TTC7A: variants seen among roughly 807,000 people sequenced by gnomAD.
The protein encoded by TTC7A is tetratricopeptide repeat protein 7A.
TTC7A carries 110 observed loss-of-function variants against 103.7 expected under a neutral mutation model. The ratio of observed to expected loss-of-function variants is 1.06; its 90% CI spans 0.91 to 1.24. The LOEUF (loss-of-function observed/expected upper bound fraction) is 1.24. Ranked by LOEUF, TTC7A falls within the 50% of genes most tolerant of loss-of-function variation. The pLI is 0.00. For synonymous variants in TTC7A, 521 were observed against 467.9 expected (o/e 1.11, Z -1.47); for missense variants, 1,340 against 1,116.3 (o/e 1.20, Z -2.86).
At chr2:47,009,225 G>A (rs2104471950) in intron 10 of TTC7A, among the ~76,000 whole-genome samples, 1 of 152,218 alleles carries the variant, frequency 6.6e-6, no homozygotes, top group East Asian at 1.9e-4. Flanking sequence ...GCCCACTCTG[G>A]GCACCCTGTG....
rs145828167 is a variant in TTC7A at position 47,066,526 on chromosome 2, C to T, written c.2355+5555C>T. Among the ~76,000 whole-genome samples the T allele has an allele frequency of 1.6e-3, 250 of 152,194 alleles. 1 individual carries two copies. Among genetic ancestry groups the T allele is most frequent in the African/African-American group, 5.7e-3 (236 of 41,528 alleles). On this transcript the variant is annotated intron_variant, in intron 19 of 19. Transcript: ENST00000319190. ...ACTCTCTGGCCACACAGAGCTTCAC[C>T]CATCACCCCCTCCGCCTGCTGGCTG...
intron 13 of TTC7A, among the ~76,000 whole-genome samples, chr2:47,023,805 G>A (rs1679561372): frequency 6.6e-6 from 1 of 152,008 alleles, no homozygotes; most frequent in Non-Finnish European, 1.5e-5. Context: ...GTGTAACAGG[G>A]GCTCAAAAAT....
At chr2:47,037,131 C>G (rs749975747) in intron 15 of TTC7A, among the ~76,000 whole-genome samples, 10 of 152,234 alleles carry the variant, frequency 6.6e-5, no homozygotes, top group Non-Finnish European at 8.8e-5. Context: ...CTCAGGTCCA[C>G]TTTGTCCCCG....
At chr2:47,057,291 C>G (rs1003270341) in intron 18 of TTC7A, among the ~76,000 whole-genome samples, 3 of 152,182 alleles carry the variant, frequency 2.0e-5, no homozygotes, top group African/African-American at 4.8e-5. Flanking sequence ...TGCTTGGGCT[C>G]TGGTCTGTGT....
rs2104548111 is a variant in TTC7A, at chr2:47,021,883, G to C, written c.1414G>C (p.Ala472Pro). 1 of 1,614,168 alleles carries C rather than the reference G, an allele frequency of 6.2e-7. No individual in the cohort carries two copies. The highest frequency in any genetic ancestry group is 2.2e-5 in the East Asian group (1 of 44,882). ...GCAGCTAGAGGAAGCAGAGCACTTT[G>C]CCATGATGGTGATCAGCCTCGGAGA... ...LRWLEEAEHF[A>P]MMVISLGEEA... The change falls in exon 12 of 20, where the codon GCC (alanine) becomes CCC (proline). Residue 472 changes from alanine to proline, a missense_variant. Transcript: ENST00000319190.
chr2:47,043,120 AAGC>A (rs1413404591), intron 15 of TTC7A, among the ~76,000 whole-genome samples: 1 of 152,184 alleles, frequency 6.6e-6, no homozygotes, highest in African/African-American at 2.4e-5. Flanking sequence ...GGGTGAGGAG[AAGC>A]AGCTACCCGT....
At chr2:47,039,772 C>T (rs1174082614) in intron 15 of TTC7A, among the ~76,000 whole-genome samples, 1 of 152,206 alleles carries the variant, frequency 6.6e-6, no homozygotes, top group Non-Finnish European at 1.5e-5. Context: ...AGGCAGATGC[C>T]AACATTCTCC....
intron 3 of TTC7A, among the ~76,000 whole-genome samples, chr2:46,973,561 A>G (rs867473526): frequency 1.3e-5 from 2 of 152,236 alleles, no homozygotes; most frequent in African/African-American, 4.8e-5. Flanking sequence ...GCCTGTACAC[A>G]AAGTCATACA....
intron 10 of TTC7A, among the ~76,000 whole-genome samples, chr2:47,006,937 GT>G (rs1677477893): frequency 6.6e-6 from 1 of 152,184 alleles, no homozygotes; most frequent in African/African-American, 2.4e-5. Flanking sequence ...GTGTGCTGGT[GT>G]GAGTCTGTGG....
chr2:47,022,112 G>C, intron 12 of TTC7A, 133 bp downstream of exon 12: 1 of 626,066 alleles, frequency 1.6e-6, no homozygotes. Flanking sequence ...TCCTCTGGGA[G>C]AGATGCCCAT....
chr2:47,061,609 A>T (rs1406256067), intron 19 of TTC7A, among the ~76,000 whole-genome samples: 1 of 152,196 alleles, frequency 6.6e-6, no homozygotes, highest in Non-Finnish European at 1.5e-5. Flanking sequence ...GGGGAGCAGG[A>T]TGCTGATACT....
intron 19 of TTC7A, among the ~76,000 whole-genome samples, chr2:47,067,299 G>T (rs1684257078): frequency 6.6e-6 from 1 of 152,236 alleles, no homozygotes; most frequent in Admixed American, 6.5e-5. Context: ...ACTGAAAGCT[G>T]TGAAAAGATA....
chr2:46,974,516 T>C (rs746264533), intron 3 of TTC7A: 4 of 374,380 alleles, frequency 1.1e-5, no homozygotes, highest in Non-Finnish European at 2.1e-5. Context: ...CTGGAGCTTC[T>C]AAGTCAGCAC....
intron 18 of TTC7A, 31 bp from the exon 19 acceptor site, chr2:47,060,738 C>G: frequency 6.4e-7 from 1 of 1,567,578 alleles, no homozygotes; most frequent in Non-Finnish European, 8.7e-7. Flanking sequence ...CCCCACCACT[C>G]ACACCTCCCA....
chr2:47,071,359 C>G (rs1684687681), intron 19 of TTC7A, among the ~76,000 whole-genome samples: 1 of 152,134 alleles, frequency 6.6e-6, no homozygotes, highest in African/African-American at 2.4e-5. Flanking sequence ...CCACCCTAGC[C>G]TACAGTCCTC....
At chr2:46,987,804 C>CCA (rs1463701249) in intron 5 of TTC7A, among the ~76,000 whole-genome samples, 1 of 137,906 alleles carries the variant, frequency 7.3e-6, no homozygotes, top group Admixed American at 7.1e-5. Flanking sequence ...CTGTCCCTTT[C>CCA]CGCGCGTGTG....
intron 2 of TTC7A, among the ~76,000 whole-genome samples, chr2:46,933,199 G>A (rs1027354165): frequency 2.0e-5 from 3 of 152,124 alleles, no homozygotes; most frequent in Admixed American, 1.3e-4. Context: ...CCACTAACAA[G>A]AATTAAGAGT....
intron 18 of TTC7A, among the ~76,000 whole-genome samples, chr2:47,056,333 G>T (rs1683310427): frequency 6.6e-6 from 1 of 152,204 alleles, no homozygotes; most frequent in Non-Finnish European, 1.5e-5. Flanking sequence ...GAATTCTTTT[G>T]GGGGGACTAA....
chr2:47,004,410 A>G lies in TTC7A; in HGVS notation c.1066-1512A>G, dbSNP rs988279284. On this transcript the variant is annotated intron_variant, in intron 8 of 19. Coordinates refer to ENST00000319190, the MANE Select transcript of TTC7A (RefSeq NM_020458.4). ...CTTGGGCTTCTGCCTCCAGCGCCTC[A>G]CCTGGAGGAGGGGAGAGCAGTCCTG... Among the ~76,000 whole-genome samples, 42 of 152,218 alleles carry G rather than the reference A, an allele frequency of 2.8e-4. 3 individuals carry two copies. The highest frequency in any genetic ancestry group is 2.0e-3 in the Admixed American group (31 of 15,302).
Sources: allele counts gnomAD v4.1 joint callset (sites outside exome capture counted in the v4.1 genomes callset), GRCh38; gene constraint gnomAD v4.1.1; transcripts MANE v1.5; gene names NCBI Gene and HGNC (gene_info 2026-07-23, HGNC 2026-07-21).